Variants in FAM135B observed in about 807,000 individuals in gnomAD.
FAM135B encodes the protein protein FAM135B.
FAM135B carries 43 observed loss-of-function variants against 127.7 expected under a neutral mutation model. The ratio of observed to expected loss-of-function variants is 0.34; its 90% confidence interval spans 0.26 to 0.43. The LOEUF is 0.43. FAM135B is among the 20% of genes least tolerant of loss of function. The pLI is 1.00. For missense variants in FAM135B, 1,558 were observed against 1,725.6 expected, an observed-to-expected ratio of 0.90 and a Z score of 1.72; for synonymous variants, 670 against 665.1, an observed-to-expected ratio of 1.01 and a Z score of -0.11.
chr8:138,364,572 A>T (rs960322172), intron 2 of FAM135B, among the ~76,000 whole-genome samples: 2 of 152,170 alleles, frequency 1.3e-5, no homozygotes, highest in Non-Finnish European at 2.9e-5. Context: ...TAAAACCGTG[A>T]AATGCTAGCC....
At chr8:138,266,151 C>T (rs1180142260) in intron 3 of FAM135B, among the ~76,000 whole-genome samples, 1 of 152,130 alleles carries the variant, frequency 6.6e-6, no homozygotes, top group African/African-American at 2.4e-5. Context: ...GTTCACCTGT[C>T]CCCTTCTCTG....
intron 1 of FAM135B, among the ~76,000 whole-genome samples, chr8:138,486,122 C>G (rs528960098): frequency 9.2e-5 from 14 of 151,906 alleles, no homozygotes; most frequent in Non-Finnish European, 1.8e-4. Flanking sequence ...ACTGGTGTAG[C>G]TGGCATCCCG....
intron 1 of FAM135B, among the ~76,000 whole-genome samples, chr8:138,494,966 T>C (rs1055856496): frequency 1.8e-4 from 28 of 152,156 alleles, no homozygotes; most frequent in African/African-American, 6.3e-4. Flanking sequence ...GCATGCAGCA[T>C]TTTCCCCTGA....
chr8:138,195,244 A>G lies in FAM135B; in HGVS notation c.873+14T>C. The G allele has an allele frequency of 1.2e-6, 2 of 1,612,992 alleles. No individual in the cohort carries two copies. Among genetic ancestry groups the G allele is most frequent in the Non-Finnish European group, 1.7e-6 (2 of 1,179,502 alleles). ...TGCCATTCATTCAGACCCCAGCGCC[A>G]GTTCTCCAATTACCTGTAGCTCTGA... On this transcript the variant is annotated intron_variant, in intron 9 of 19. Transcript: ENST00000395297.
chr8:138,298,112 T>C (rs953142685), intron 3 of FAM135B, among the ~76,000 whole-genome samples: 1 of 152,204 alleles, frequency 6.6e-6, no homozygotes, highest in Non-Finnish European at 1.5e-5. Context: ...CCTATTCATA[T>C]AACTTATCAC....
chr8:138,164,833 C>T (rs1819752662), intron 12 of FAM135B, among the ~76,000 whole-genome samples: 1 of 152,248 alleles, frequency 6.6e-6, no homozygotes, highest in African/African-American at 2.4e-5. Context: ...TGCATGTCCT[C>T]AACCTCAGCA....
intron 7 of FAM135B, among the ~76,000 whole-genome samples, chr8:138,230,103 C>T (rs1297072204): frequency 1.3e-5 from 2 of 152,176 alleles, no homozygotes. Flanking sequence ...AGACACATGA[C>T]CCCAAACTAA....
At position 138,265,701 on chromosome 8, in the gene FAM135B, AC is replaced by A; in HGVS notation, c.297+1del. 6.2e-7 allele frequency: 1 copy of A among 1,613,996 alleles called. No homozygotes were observed. The highest frequency in any genetic ancestry group is 8.5e-7 in the Non-Finnish European group (1 of 1,179,964). On this transcript the variant is annotated splice_donor_variant, in intron 4 of 19. Coordinates refer to ENST00000395297, the MANE Select transcript of FAM135B (RefSeq NM_015912.4). LOFTEE classifies it high-confidence loss of function. Reference sequence around the variant, plus strand: ...GTGGCTGGTGGTAGATTCATGACTTACCCTTTCACCACCCAAGAGTAAATGA... The same window carrying A: ...GTGGCTGGTGGTAGATTCATGACTTACCTTTCACCACCCAAGAGTAAATGA...
intron 1 of FAM135B, among the ~76,000 whole-genome samples, chr8:138,382,765 A>G (rs1028484857): frequency 1.3e-5 from 2 of 152,172 alleles, no homozygotes; most frequent in Admixed American, 6.5e-5. Flanking sequence ...ATGAATTGCA[A>G]TTTAGAAAAA....
chr8:138,442,246 A>ATG (rs1168744047), intron 1 of FAM135B, among the ~76,000 whole-genome samples: 15 of 106,894 alleles, frequency 1.4e-4, no homozygotes, highest in African/African-American at 4.5e-4. Context: ...CCATATATAT[A>ATG]TATATATATA....
At chr8:138,232,964 T>G (rs960376825) in intron 7 of FAM135B, among the ~76,000 whole-genome samples, 1 of 152,190 alleles carries the variant, frequency 6.6e-6, no homozygotes, top group Non-Finnish European at 1.5e-5. Flanking sequence ...TTCACCACTG[T>G]CAACCACTAT....
intron 7 of FAM135B, among the ~76,000 whole-genome samples, chr8:138,231,513 T>C (rs1819907038): frequency 6.6e-6 from 1 of 152,142 alleles, no homozygotes; most frequent in Non-Finnish European, 1.5e-5. Context: ...TAATATAACA[T>C]TTTATTAAGG....
chr8:138,454,555 G>C (rs1356608038), intron 1 of FAM135B, among the ~76,000 whole-genome samples: 1 of 152,202 alleles, frequency 6.6e-6, no homozygotes, highest in Non-Finnish European at 1.5e-5. Flanking sequence ...ATACTGCAGA[G>C]CAAGTAAGTG....
intron 1 of FAM135B, among the ~76,000 whole-genome samples, chr8:138,496,162 C>G (rs1000090507): frequency 3.3e-5 from 5 of 152,178 alleles, no homozygotes; most frequent in Admixed American, 3.3e-4. Context: ...TTGAAGCTGG[C>G]TCTACAGATC....
At chr8:138,474,264 C>T (rs1307757456) in intron 1 of FAM135B, among the ~76,000 whole-genome samples, 2 of 152,084 alleles carry the variant, frequency 1.3e-5, no homozygotes, top group Admixed American at 1.3e-4. Context: ...GCCAGACAGA[C>T]CCCCACGAAC....
chr8:138,378,254 T>C (rs1033485433), intron 1 of FAM135B, among the ~76,000 whole-genome samples: 1 of 152,148 alleles, frequency 6.6e-6, no homozygotes, highest in African/African-American at 2.4e-5. Context: ...GACATAAAGA[T>C]GCACAAAGAA....
intron 9 of FAM135B, among the ~76,000 whole-genome samples, chr8:138,186,278 A>T (rs1316496904): frequency 6.6e-6 from 1 of 152,160 alleles, no homozygotes. Flanking sequence ...GGTATCTTCC[A>T]TCTTTGTATA....
chr8:138,235,875 G>A (rs1277858658), intron 7 of FAM135B, among the ~76,000 whole-genome samples: 2 of 152,188 alleles, frequency 1.3e-5, no homozygotes, highest in East Asian at 3.9e-4. Flanking sequence ...TCAATGACAT[G>A]CACTCCTCTG....
chr8:138,336,994 C>T (rs1252785550), intron 2 of FAM135B, among the ~76,000 whole-genome samples: 2 of 152,126 alleles, frequency 1.3e-5, no homozygotes, highest in Non-Finnish European at 2.9e-5. Context: ...TAAACAGAAC[C>T]AAAGACAAAA....
Sources: allele counts gnomAD v4.1 joint callset (sites outside exome capture counted in the v4.1 genomes callset), GRCh38; gene constraint gnomAD v4.1.1; transcripts MANE v1.5; gene names NCBI Gene and HGNC (gene_info 2026-07-23, HGNC 2026-07-21).